The following PITPNC1 variants were observed in gnomAD, a reference collection of about 807,000 sequenced individuals.
PITPNC1 encodes phosphatidylinositol transfer protein cytoplasmic 1.
PITPNC1 carries 18 observed loss-of-function variants against 44.7 expected under a neutral mutation model. The ratio of observed to expected loss-of-function variants is 0.40; its 90% confidence interval spans 0.28 to 0.60. PITPNC1 has a LOEUF of 0.60. Among genes scored for constraint, PITPNC1 ranks in the 20% least tolerant of loss-of-function variants. PITPNC1 has a pLI of 0.39. For synonymous variants in PITPNC1, 141 were observed against 149.6 expected, an observed-to-expected ratio of 0.94 and a Z score of 0.42; for missense variants, 290 against 418.4, an observed-to-expected ratio of 0.69 and a Z score of 2.68.
At chr17:67,516,998 A>G (rs1298969931) in intron 1 of PITPNC1, among the ~76,000 whole-genome samples, 1 of 15,916 alleles carries the variant, frequency 6.3e-5, no homozygotes, top group Non-Finnish European at 1.2e-4. Context: ...CTCTGTTCCT[A>G]CCCCTTGCAC....
chr17:67,584,419 G>T (rs1405831274), intron 5 of PITPNC1, among the ~76,000 whole-genome samples: 1 of 152,152 alleles, frequency 6.6e-6, no homozygotes, highest in Non-Finnish European at 1.5e-5. Flanking sequence ...TGTCTGGAAT[G>T]TATTTCATTT....
At chr17:67,592,799 G>A (rs2041409851) in intron 5 of PITPNC1, among the ~76,000 whole-genome samples, 1 of 152,236 alleles carries the variant, frequency 6.6e-6, no homozygotes. Context: ...CACTTTGGGA[G>A]GCCAAGGCAA....
chr17:67,460,837 C>T (rs1365746203), intron 1 of PITPNC1, among the ~76,000 whole-genome samples: 1 of 148,450 alleles, frequency 6.7e-6, no homozygotes, highest in African/African-American at 2.5e-5. Context: ...CTCCACCTCT[C>T]AGATTCAAGT....
chr17:67,513,749 C>A (rs558089169), intron 1 of PITPNC1, among the ~76,000 whole-genome samples: 1 of 152,138 alleles, frequency 6.6e-6, no homozygotes, highest in East Asian at 1.9e-4. Flanking sequence ...TTGTTGAATT[C>A]TCTTTGACCT....
intron 1 of PITPNC1, among the ~76,000 whole-genome samples, chr17:67,484,594 C>T (rs1317349123): frequency 6.6e-6 from 1 of 152,120 alleles, no homozygotes; most frequent in African/African-American, 2.4e-5. Flanking sequence ...TTGGTCTGGA[C>T]CTGTGAAAAT....
chr17:67,689,252 A>C (rs1272061908), intron 8 of PITPNC1, among the ~76,000 whole-genome samples: 1 of 152,118 alleles, frequency 6.6e-6, no homozygotes, highest in Non-Finnish European at 1.5e-5. Context: ...AAGTAAAATA[A>C]AAAATAAAGT....
At chr17:67,502,337 A>G (rs2040042510) in intron 1 of PITPNC1, among the ~76,000 whole-genome samples, 1 of 152,136 alleles carries the variant, frequency 6.6e-6, no homozygotes, top group Non-Finnish European at 1.5e-5. Context: ...ATACTCAGCA[A>G]AGCACAGTCA....
intron 7 of PITPNC1, among the ~76,000 whole-genome samples, chr17:67,672,772 T>C (rs955671657): frequency 6.6e-6 from 1 of 152,190 alleles, no homozygotes. Flanking sequence ...GGAAGTGTTA[T>C]TGACACTCCA....
At chr17:67,672,018 T>A (rs1017383550) in intron 7 of PITPNC1, among the ~76,000 whole-genome samples, 1 of 152,004 alleles carries the variant, frequency 6.6e-6, no homozygotes, top group Non-Finnish European at 1.5e-5. Flanking sequence ...CACTGCAACC[T>A]CCACCTCCCA....
intron 1 of PITPNC1, among the ~76,000 whole-genome samples, chr17:67,450,513 C>T (rs1051743849): frequency 1.3e-5 from 2 of 152,016 alleles, no homozygotes; most frequent in African/African-American, 2.4e-5. Flanking sequence ...GCAGCCTCAC[C>T]CTCTCCGGCT....
intron 1 of PITPNC1, among the ~76,000 whole-genome samples, chr17:67,458,125 T>G (rs1372588676): frequency 3.9e-5 from 6 of 152,240 alleles, no homozygotes; most frequent in Non-Finnish European, 8.8e-5. Context: ...AGTCTCTTCC[T>G]ACCCAGTACT....
intron 2 of PITPNC1, among the ~76,000 whole-genome samples, chr17:67,534,286 C>T (rs558830657): frequency 6.6e-6 from 1 of 152,282 alleles, no homozygotes; most frequent in East Asian, 1.9e-4. Flanking sequence ...CAGCCCATTT[C>T]TTCCTTTCAG....
chr17:67,602,001 G>A (rs1194708880), intron 5 of PITPNC1, among the ~76,000 whole-genome samples: 1 of 152,156 alleles, frequency 6.6e-6, no homozygotes, highest in Non-Finnish European at 1.5e-5. Flanking sequence ...AAAGGTCAAA[G>A]ATAACCTTTA....
At chr17:67,540,653 GTAAAT>G (rs1039259897) in intron 2 of PITPNC1, among the ~76,000 whole-genome samples, 2 of 152,106 alleles carry the variant, frequency 1.3e-5, no homozygotes, top group African/African-American at 4.8e-5. Flanking sequence ...TATTTTAAAA[GTAAAT>G]TAGGTGGAGA....
chr17:67,669,707 T>G, intron 7 of PITPNC1, 44 bp downstream of exon 7: 1 of 1,412,110 alleles, frequency 7.1e-7, no homozygotes, highest in Non-Finnish European at 9.8e-7. Flanking sequence ...ACAAGGTAAC[T>G]GTCTATATTG....
chr17:67,667,171 C>T (rs1210575931), intron 6 of PITPNC1, among the ~76,000 whole-genome samples: 1 of 152,084 alleles, frequency 6.6e-6, no homozygotes. Context: ...TGAACAGGAC[C>T]AGGACTAGCC....
intron 4 of PITPNC1, among the ~76,000 whole-genome samples, chr17:67,562,867 A>C (rs942039584): frequency 6.6e-6 from 1 of 152,244 alleles, no homozygotes; most frequent in Non-Finnish European, 1.5e-5. Flanking sequence ...AATTTCTATC[A>C]AAATGGGGAG....
chr17:67,386,094 T>C (rs1438429940), intron 1 of PITPNC1, among the ~76,000 whole-genome samples: 4 of 152,240 alleles, frequency 2.6e-5, no homozygotes, highest in African/African-American at 9.6e-5. Flanking sequence ...TGAGTGTGAC[T>C]GATACTCCAA....
chr17:67,406,875 C>G (rs902664056), intron 1 of PITPNC1, among the ~76,000 whole-genome samples: 1 of 152,188 alleles, frequency 6.6e-6, no homozygotes, highest in Non-Finnish European at 1.5e-5. Flanking sequence ...GTGTGAGCCA[C>G]CATGCCTGGC....
Sources: gnomAD v4.1 joint callset for allele counts (sites outside exome capture counted in the v4.1 genomes callset) on GRCh38, gnomAD v4.1.1 for gene constraint, MANE v1.5 for transcripts, NCBI Gene and HGNC (gene_info 2026-07-23, HGNC 2026-07-21) for gene names.